FAM171B: variants seen among roughly 807,000 people sequenced by gnomAD.
FAM171B encodes the protein family with sequence similarity 171 member B, also known as protein FAM171B.
In FAM171B, 19 loss-of-function variants were observed where a neutral mutation model predicts 75.6. That is an observed-to-expected ratio of 0.25 (90% CI 0.18 to 0.37). The LOEUF (loss-of-function observed/expected upper bound fraction) is 0.37, where lower values mean the gene tolerates loss of function less well. Among genes scored for constraint, FAM171B ranks in the 10% least tolerant of loss-of-function variants. FAM171B has a pLI of 1.00. For missense variants in FAM171B, 848 were observed against 982.4 expected (o/e 0.86, Z 1.83); for synonymous variants, 367 against 361.7 (o/e 1.01, Z -0.17).
At chr2:186,716,832 C>T (rs1386595779) in intron 1 of FAM171B, among the ~76,000 whole-genome samples, 1 of 152,132 alleles carries the variant, frequency 6.6e-6, no homozygotes, top group Non-Finnish European at 1.5e-5. Context: ...TTTTCCTCTT[C>T]TATTTTTCTT....
intron 1 of FAM171B, among the ~76,000 whole-genome samples, chr2:186,695,939 G>A (rs1689571908): frequency 6.6e-6 from 1 of 152,046 alleles, no homozygotes; most frequent in Admixed American, 6.6e-5. Flanking sequence ...ATGGTTTGCA[G>A]TATATTTTTA....
At chr2:186,703,642 C>T (rs943328803) in intron 1 of FAM171B, among the ~76,000 whole-genome samples, 1 of 152,124 alleles carries the variant, frequency 6.6e-6, no homozygotes, top group African/African-American at 2.4e-5. Context: ...GAGTTTGTGA[C>T]CCATTCCACT....
Position 186,762,185 on chromosome 2 carries a change from T to C in FAM171B, c.1843T>C (p.Ser615Pro). The C allele has an allele frequency of 6.2e-7, 1 of 1,613,642 alleles. No homozygotes were observed. Among genetic ancestry groups the C allele is most frequent in the Non-Finnish European group, 8.5e-7 (1 of 1,179,790 alleles). The change falls in exon 8 of 8, where the codon TCC becomes CCC. Residue 615 changes from serine (S) to proline (P), a missense_variant. Transcript: ENST00000304698. This position sits in a 1 kb window ranked among gnomAD's most constrained non-coding sequence, Gnocchi z 4.0. ...IILEGQQSLP[S>P]QASDWSRYSS... ...ACTTGAAGGTCAACAGAGCCTGCCA[T>C]CCCAGGCTTCAGATTGGAGCCGATA...
chr2:186,739,319 T>A (rs1353874334), intron 1 of FAM171B, among the ~76,000 whole-genome samples: 25 of 152,184 alleles, frequency 1.6e-4, no homozygotes, highest in Admixed American at 1.6e-3. Context: ...AATATTTTTC[T>A]TTCTTCAATA....
intron 1 of FAM171B, among the ~76,000 whole-genome samples, chr2:186,702,009 A>G (rs1419527012): frequency 2.0e-5 from 3 of 152,216 alleles, no homozygotes; most frequent in Non-Finnish European, 2.9e-5. Context: ...TGTATGTGCT[A>G]TTGGTAAAGT....
chr2:186,753,532 G>A (rs529442929), intron 5 of FAM171B, among the ~76,000 whole-genome samples: 39 of 152,166 alleles, frequency 2.6e-4, no homozygotes, highest in African/African-American at 8.4e-4. Flanking sequence ...CTGATTCTAA[G>A]GTGAGTTTAT....
chr2:186,728,434 G>A (rs952302472), intron 1 of FAM171B, among the ~76,000 whole-genome samples: 4 of 152,124 alleles, frequency 2.6e-5, no homozygotes, highest in African/African-American at 7.2e-5. Context: ...TCCCCATCTC[G>A]TGCAGATCTG....
intron 1 of FAM171B, among the ~76,000 whole-genome samples, chr2:186,704,449 C>A (rs1241910120): frequency 6.6e-6 from 1 of 152,084 alleles, no homozygotes; most frequent in Non-Finnish European, 1.5e-5. Flanking sequence ...AAATGACCTT[C>A]TCTTATGTTC....
At position 186,762,643 on chromosome 2, in the gene FAM171B, G is replaced by C. The variant is rs1277699645; in HGVS notation, c.2301G>C (p.Gly767=). 6.2e-7 allele frequency: 1 copy of C among 1,613,354 alleles called. No homozygotes were observed. Among genetic ancestry groups the C allele is most frequent in the South Asian group, 1.1e-5 (1 of 91,064 alleles). The change falls in exon 8 of 8, where the codon GGG becomes GGC. Residue 767 remains glycine (G), a synonymous_variant. Transcript: ENST00000304698. This position sits in a 1 kb window ranked among gnomAD's most constrained non-coding sequence, Gnocchi z 4.0. ...CTTTAAGGCACATCCTAGATGGAGG[G>C]AGTGGAGTGATCATGGAGCACCCTG... ...DPALRHILDG[G]SGVIMEHPGE... is the part of the protein sequence containing the mutation.
Position 186,762,883 on chromosome 2 carries a change from AT to A in FAM171B, c.*62del. On this transcript the variant is annotated 3_prime_UTR_variant, in exon 8 of 8. Transcript: ENST00000304698. This position sits in a 1 kb window ranked among gnomAD's most constrained non-coding sequence, Gnocchi z 4.0. ...TGTTTATTCTTGCTTCTTGTTGTAA[AT>A]TGCAGTACGAACTTAAGAAAATGAG... 6.5e-7 allele frequency: 1 copy of A among 1,543,196 alleles called. No individual in the cohort carries two copies. The highest frequency in any genetic ancestry group is 8.7e-7 in the Non-Finnish European group (1 of 1,146,542).
chr2:186,732,541 A>T (rs891173318), intron 1 of FAM171B, among the ~76,000 whole-genome samples: 1 of 152,178 alleles, frequency 6.6e-6, no homozygotes, highest in African/African-American at 2.4e-5. Flanking sequence ...AGTTTATTAA[A>T]AGGTTTTAGA....
Position 186,761,871 on chromosome 2 carries a change from A to G in FAM171B, c.1529A>G (p.Asp510Gly). Residue 510 changes from aspartate to glycine, a missense_variant, in exon 8 of 8, where the codon GAT becomes GGT. Physicochemically the swap from Asp to Gly is moderately conservative, Grantham distance 94 (BLOSUM62 -1). This residue lies in a region of FAM171B where 665 missense variants were observed against 729.0 expected (regional missense o/e 0.91). Coordinates refer to ENST00000304698, the MANE Select transcript of FAM171B (RefSeq NM_177454.4). ...TCTTCATCTCTAGGTGATGCTCAAG[A>G]TGAAAAGAGGTATCTCACAGGTAAT... is the stretch of plus-strand genomic sequence containing the variant. ...NLSSSLGDAQ[D>G]EKRYLTGNEE... 1 of 1,613,240 alleles carries G rather than the reference A, an allele frequency of 6.2e-7. No individual in the cohort carries two copies. Among genetic ancestry groups the G allele is most frequent in the Non-Finnish European group, 8.5e-7 (1 of 1,179,740 alleles).
intron 2 of FAM171B, among the ~76,000 whole-genome samples, chr2:186,742,247 C>T (rs897467962): frequency 3.9e-5 from 6 of 152,026 alleles, no homozygotes; most frequent in African/African-American, 1.2e-4. Context: ...ACAATTTTCA[C>T]GTGAAAAGAA....
chr2:186,714,033 G>A (rs1010691991), intron 1 of FAM171B, among the ~76,000 whole-genome samples: 11 of 152,094 alleles, frequency 7.2e-5, no homozygotes, highest in African/African-American at 1.2e-4. Flanking sequence ...ATATTTTACA[G>A]CTCTCTTTTT....
intron 1 of FAM171B, among the ~76,000 whole-genome samples, chr2:186,701,198 G>A (rs1218375900): frequency 1.3e-5 from 2 of 152,114 alleles, no homozygotes; most frequent in East Asian, 3.9e-4. Flanking sequence ...TAGGATTACA[G>A]ATGTGAGCTA....
intron 4 of FAM171B, 141 bp from the exon 5 acceptor site, chr2:186,750,993 T>A: frequency 1.8e-6 from 1 of 540,628 alleles, no homozygotes; most frequent in Non-Finnish European, 3.1e-6. Flanking sequence ...AAAAAATCCT[T>A]AATGTGTATT....
chr2:186,757,198 C>T (rs945806937), intron 6 of FAM171B, among the ~76,000 whole-genome samples: 2 of 152,046 alleles, frequency 1.3e-5, no homozygotes, highest in Non-Finnish European at 2.9e-5. Flanking sequence ...TGGTCACCAG[C>T]CCCCAAGCAT....
At position 186,761,223 on chromosome 2, in the gene FAM171B, C is replaced by G. The variant is rs760833899; in HGVS notation, c.1123C>G (p.Leu375Val). ...VIVIGFFAVL[L>V]CYCRDKCGTP... ...TGTCATTGGATTTTTTGCTGTACTACTTTGTTATTGCAGGTAAGAAAATGG... is the reference window on the plus strand; with the variant it reads ...TGTCATTGGATTTTTTGCTGTACTAGTTTGTTATTGCAGGTAAGAAAATGG... The change falls in exon 7 of 8, where the codon CTT becomes GTT. Residue 375 changes from leucine to valine, a missense_variant. By Grantham distance (32) the Leu-to-Val change is conservative (BLOSUM62 1). Transcript: ENST00000304698. The G allele has an allele frequency of 1.2e-6, 2 of 1,612,066 alleles. No homozygotes were observed. The highest frequency in any genetic ancestry group is 3.3e-5 in the Admixed American group (2 of 59,752).
chr2:186,748,854 T>G (rs959669358), intron 4 of FAM171B, among the ~76,000 whole-genome samples: 7 of 152,134 alleles, frequency 4.6e-5, no homozygotes, highest in African/African-American at 1.7e-4. Context: ...ATGGTGTAAA[T>G]AAAAGCATTT....
Sources: gnomAD v4.1 joint callset for allele counts (sites outside exome capture counted in the v4.1 genomes callset) on GRCh38, gnomAD v4.1.1 for gene constraint, gnomAD v4.1.1 regional missense constraint, Gnocchi (gnomAD v3.1) non-coding constraint, MANE v1.5 for transcripts, NCBI Gene and HGNC (gene_info 2026-07-23, HGNC 2026-07-21) for gene names.